Variants in ZFAT observed in about 807,000 individuals in gnomAD.
ZFAT encodes zinc finger and AT-hook domain containing.
A neutral mutation model predicts 117.7 loss-of-function variants in ZFAT; 64 were observed. The ratio of observed to expected loss-of-function variants is 0.54; its 90% confidence interval spans 0.44 to 0.67. ZFAT has a LOEUF of 0.67. ZFAT is among the 30% of genes least tolerant of loss of function. ZFAT has a pLI of 0.00. For missense variants in ZFAT, 1,433 were observed against 1,584.5 expected (o/e 0.90, Z 1.62); for synonymous variants, 679 against 615.0 (o/e 1.10, Z -1.54).
the ZFAT span, among the ~76,000 whole-genome samples, chr8:134,814,456 T>C: frequency 6.6e-6 from 1 of 152,234 alleles, no homozygotes; most frequent in South Asian, 2.1e-4. Flanking sequence ...TCATGGTGAC[T>C]GTCAAGATAG....
the ZFAT span, among the ~76,000 whole-genome samples, chr8:134,757,742 C>T: frequency 6.6e-6 from 1 of 152,146 alleles, no homozygotes; most frequent in Admixed American, 6.5e-5. Context: ...TCCTGTTTTG[C>T]TGGGGTGAAT....
chr8:134,670,077 T>C (rs1333309488), intron 1 of ZFAT, among the ~76,000 whole-genome samples: 1 of 152,128 alleles, frequency 6.6e-6, no homozygotes, highest in African/African-American at 2.4e-5. Flanking sequence ...ATGCACCCAA[T>C]ACAGGAGTAC....
the ZFAT span, among the ~76,000 whole-genome samples, chr8:134,818,284 A>AC: frequency 6.6e-6 from 1 of 152,328 alleles, no homozygotes; most frequent in East Asian, 1.9e-4. Context: ...CAGTAAGAAA[A>AC]CAACCAACCA....
chr8:134,627,477 G>A (rs542400658), intron 3 of ZFAT, among the ~76,000 whole-genome samples: 5 of 152,242 alleles, frequency 3.3e-5, no homozygotes, highest in East Asian at 3.9e-4. Flanking sequence ...AGCTGAAGCC[G>A]AAATGTGAAA....
chr8:134,574,824 C>T, intron 10 of ZFAT, among the ~76,000 whole-genome samples: 1 of 152,174 alleles, frequency 6.6e-6, no homozygotes, highest in East Asian at 1.9e-4. Flanking sequence ...GACTGTTTAT[C>T]CAGTCTTACT....
At chr8:134,645,576 AATG>A (rs770033943) in intron 2 of ZFAT, among the ~76,000 whole-genome samples, 2 of 152,240 alleles carry the variant, frequency 1.3e-5, no homozygotes, top group Non-Finnish European at 2.9e-5. Context: ...AAGTAGGCTC[AATG>A]ATAAGAATTT....
intron 7 of ZFAT, among the ~76,000 whole-genome samples, chr8:134,592,520 C>T (rs1024423782): frequency 6.6e-6 from 1 of 152,144 alleles, no homozygotes; most frequent in Non-Finnish European, 1.5e-5. Flanking sequence ...TCAGTGCCTC[C>T]GTTTCATCAT....
chr8:134,550,307 A>G (rs1362961702), intron 11 of ZFAT, among the ~76,000 whole-genome samples: 1 of 138,718 alleles, frequency 7.2e-6, no homozygotes, highest in African/African-American at 2.8e-5. Context: ...GTTGGTCACA[A>G]CGGAAAAAAA....
chr8:134,631,837 G>A (rs942589323), intron 3 of ZFAT, among the ~76,000 whole-genome samples: 8 of 152,168 alleles, frequency 5.3e-5, no homozygotes, highest in African/African-American at 1.9e-4. Context: ...GAGACCAGAT[G>A]AGGAACACAT....
intron 10 of ZFAT, among the ~76,000 whole-genome samples, chr8:134,568,609 C>T (rs964748619): frequency 6.6e-6 from 1 of 152,204 alleles, no homozygotes; most frequent in African/African-American, 2.4e-5. Context: ...ATAAATGGAA[C>T]TGCCTCATTT....
intron 15 of ZFAT, among the ~76,000 whole-genome samples, chr8:134,500,885 G>A (rs1818923876): frequency 2.6e-5 from 4 of 152,176 alleles, no homozygotes; most frequent in Admixed American, 1.3e-4. Context: ...TGCCAAGTAT[G>A]AGAACACTTT....
chr8:134,509,179 C>A (rs992434925), intron 15 of ZFAT, among the ~76,000 whole-genome samples: 1 of 152,162 alleles, frequency 6.6e-6, no homozygotes, highest in Non-Finnish European at 1.5e-5. Flanking sequence ...CTGTGTTGAT[C>A]TGATCGGGTG....
At chr8:134,561,638 C>T (rs911438135) in intron 11 of ZFAT, among the ~76,000 whole-genome samples, 2 of 152,140 alleles carry the variant, frequency 1.3e-5, no homozygotes, top group Non-Finnish European at 2.9e-5. Context: ...TATTCCCTAA[C>T]ACAAATCATA....
chr8:134,777,738 T>C, the ZFAT span, among the ~76,000 whole-genome samples: 1 of 152,232 alleles, frequency 6.6e-6, no homozygotes, highest in South Asian at 2.1e-4. Context: ...AAGGAAAATT[T>C]AGGTAGAAAA....
At chr8:134,676,160 A>C (rs1402674091) in intron 1 of ZFAT, among the ~76,000 whole-genome samples, 5 of 151,976 alleles carry the variant, frequency 3.3e-5, no homozygotes, top group Non-Finnish European at 5.9e-5. Context: ...AAATTAGATA[A>C]AGAGTGTGCT....
At chr8:134,521,913 G>A (rs1820688408) in intron 12 of ZFAT, among the ~76,000 whole-genome samples, 1 of 152,184 alleles carries the variant, frequency 6.6e-6, no homozygotes, top group South Asian at 2.1e-4. Flanking sequence ...GTCTGGAACT[G>A]TGAGCTACCC....
chr8:134,560,054 C>T (rs4909912), intron 11 of ZFAT, among the ~76,000 whole-genome samples: 58,262 of 151,990 alleles, frequency 0.38, 12,389 homozygotes, highest in East Asian at 0.55. Flanking sequence ...TGAGAGAAAT[C>T]TAGCATAGTT....
At chr8:134,813,480 C>G in the ZFAT span, among the ~76,000 whole-genome samples, 1 of 152,198 alleles carries the variant, frequency 6.6e-6, no homozygotes, top group Non-Finnish European at 1.5e-5. Flanking sequence ...ATGGCGCAAT[C>G]TCAGTTCACT....
At chr8:134,693,087 T>C (rs994285630) in intron 1 of ZFAT, among the ~76,000 whole-genome samples, 1 of 152,254 alleles carries the variant, frequency 6.6e-6, no homozygotes, top group South Asian at 2.1e-4. Flanking sequence ...TGTACATACA[T>C]ACTTCTGTTT....
Sources: gnomAD v4.1 joint callset for allele counts (sites outside exome capture counted in the v4.1 genomes callset) on GRCh38, gnomAD v4.1.1 for gene constraint, MANE v1.5 for transcripts, NCBI Gene and HGNC (gene_info 2026-07-23, HGNC 2026-07-21) for gene names.